Variants in RHOBTB1 observed in about 807,000 individuals in gnomAD.
RHOBTB1 encodes Rho related BTB domain containing 1.
Under a neutral mutation model 71.6 loss-of-function variants are expected in RHOBTB1, and 40 were observed. That is an observed-to-expected ratio of 0.56 (90% confidence interval 0.43 to 0.73). RHOBTB1 has a LOEUF of 0.73. RHOBTB1 is among the 30% of genes least tolerant of loss of function. The pLI is 0.00. For synonymous variants in RHOBTB1, 319 were observed against 334.9 expected, an observed-to-expected ratio of 0.95 and a Z score of 0.52; for missense variants, 797 against 894.0, an observed-to-expected ratio of 0.89 and a Z score of 1.38.
chr10:60,919,667 A>C (rs978430322), intron 2 of RHOBTB1, among the ~76,000 whole-genome samples: 2 of 152,254 alleles, frequency 1.3e-5, no homozygotes, highest in African/African-American at 4.8e-5. Context: ...AGAGTAAGTA[A>C]CAGAAAGGAT....
At chr10:60,967,748 A>G (rs187491976) in intron 2 of RHOBTB1, among the ~76,000 whole-genome samples, 311 of 151,780 alleles carry the variant, frequency 2.0e-3, no homozygotes, top group Non-Finnish European at 2.0e-3. Flanking sequence ...TTCCTTAGAA[A>G]TGATTGCAAC....
At position 60,973,411 on chromosome 10, in the gene RHOBTB1, T is replaced by G. The variant is rs189648043; in HGVS notation, c.-62+12434A>C. Among the ~76,000 whole-genome samples, 267 of 152,266 alleles carry G rather than the reference T, an allele frequency of 1.8e-3. 1 individual carries two copies. The highest frequency in any genetic ancestry group is 5.7e-3 in the African/African-American group (235 of 41,580). The stretch of plus-strand genomic sequence containing the variant: ...TGTCCATCGTCTTCTTTAAAATTTT[T>G]AGCATAAACTGTATTTGAGCCTTCT... On this transcript the variant is annotated intron_variant, in intron 2 of 11. Coordinates refer to the RHOBTB1 transcript ENST00000357917.
At chr10:60,867,754 T>C (rs2080643429), downstream of RHOBTB1, among the ~76,000 whole-genome samples, 2 of 152,198 alleles carry the variant, frequency 1.3e-5, no homozygotes, top group Non-Finnish European at 2.9e-5. Context: ...AAGGGAGAAT[T>C]TTCTAATGCA....
chr10:60,984,774 ATACT>A (rs2086607742), intron 2 of RHOBTB1, among the ~76,000 whole-genome samples: 1 of 152,194 alleles, frequency 6.6e-6, no homozygotes, highest in African/African-American at 2.4e-5. Flanking sequence ...TGCTTTGTAA[ATACT>A]TTATTTATAG....
downstream of RHOBTB1, among the ~76,000 whole-genome samples, chr10:60,865,759 C>G (rs2080633309): frequency 6.6e-6 from 1 of 151,936 alleles, no homozygotes; most frequent in African/African-American, 2.4e-5. Flanking sequence ...TCATTGAGTT[C>G]AGTGTTCCCT....
chr10:60,864,869 T>G (rs1451691499), downstream of RHOBTB1, among the ~76,000 whole-genome samples: 5 of 152,112 alleles, frequency 3.3e-5, no homozygotes, highest in Non-Finnish European at 7.4e-5. Context: ...TTTTGTACTT[T>G]TGCTAGAGAT....
intron 4 of RHOBTB1, among the ~76,000 whole-genome samples, chr10:60,905,857 G>A (rs1373953438): frequency 1.3e-5 from 2 of 151,954 alleles, no homozygotes; most frequent in Non-Finnish European, 2.9e-5. Flanking sequence ...TTTGCTTGCC[G>A]TAAAACACAA....
At chr10:60,994,434 G>GT (rs1299247558) in intron 1 of RHOBTB1, among the ~76,000 whole-genome samples, 2 of 152,130 alleles carry the variant, frequency 1.3e-5, no homozygotes, top group African/African-American at 2.4e-5. Context: ...CCAGAGAAAC[G>GT]TAACAGCTAA....
intron 4 of RHOBTB1, among the ~76,000 whole-genome samples, chr10:60,902,874 G>A (rs752032594): frequency 6.6e-6 from 1 of 152,118 alleles, no homozygotes; most frequent in African/African-American, 2.4e-5. Flanking sequence ...TTGTCAACTC[G>A]TTCAACTAAC....
At chr10:60,969,905 A>T (rs557690260) in intron 2 of RHOBTB1, among the ~76,000 whole-genome samples, 1 of 152,266 alleles carries the variant, frequency 6.6e-6, no homozygotes, top group African/African-American at 2.4e-5. Context: ...CTCCATTCTC[A>T]GGTGGACACC....
chr10:60,986,740 C>T (rs186642531), intron 1 of RHOBTB1, among the ~76,000 whole-genome samples: 100 of 152,222 alleles, frequency 6.6e-4, no homozygotes, highest in African/African-American at 2.3e-3. Context: ...CAAAACAGTA[C>T]TTTTGCTTGG....
intron 5 of RHOBTB1, 66 bp downstream of exon 5, chr10:60,892,744 G>A: frequency 1.4e-6 from 2 of 1,421,292 alleles, no homozygotes; most frequent in Non-Finnish European, 9.6e-7. Context: ...CCAGGCTACA[G>A]AGACACCTGC....
intron 1 of RHOBTB1, among the ~76,000 whole-genome samples, chr10:60,995,010 T>C (rs976883417): frequency 5.9e-5 from 9 of 151,966 alleles, no homozygotes; most frequent in African/African-American, 2.2e-4. Context: ...GGAGTAACAT[T>C]GTACTCCATG....
At chr10:60,862,480 G>T in the RHOBTB1 span, among the ~76,000 whole-genome samples, 1 of 140,938 alleles carries the variant, frequency 7.1e-6, no homozygotes, top group Non-Finnish European at 1.5e-5. Context: ...TAACAGGTGT[G>T]AGCCACCATG....
chr10:60,908,066 T>G (rs2082768556), intron 4 of RHOBTB1, among the ~76,000 whole-genome samples: 1 of 152,206 alleles, frequency 6.6e-6, no homozygotes. Flanking sequence ...ATGGGTAGAA[T>G]AGTTCCATTT....
At chr10:60,868,505 G>A (rs1009172515), downstream of RHOBTB1, among the ~76,000 whole-genome samples, 14 of 152,072 alleles carry the variant, frequency 9.2e-5, no homozygotes, top group East Asian at 9.6e-4. Flanking sequence ...TCATAGTGAC[G>A]AAAAACTGAA....
chr10:60,925,959 G>A (rs576033705), intron 2 of RHOBTB1, among the ~76,000 whole-genome samples: 1 of 152,190 alleles, frequency 6.6e-6, no homozygotes, highest in South Asian at 2.1e-4. Flanking sequence ...AGTTGGGCGT[G>A]GTGTCTCACA....
Position 60,869,748 on chromosome 10 carries a change from CTTCCATCGATAAGA to C in RHOBTB1, c.*1720_*1733del, listed in dbSNP as rs2080693594. The C allele has an allele frequency of 6.6e-6, 1 of 152,646 alleles. No individual in the cohort carries two copies. The highest frequency in any genetic ancestry group is 2.1e-4 in the South Asian group (1 of 4,820). The allele number at this position is 152,646 out of a possible 1,614,324, so 9.5% of individuals were successfully genotyped here. A position where few individuals can be genotyped will look rare whatever the true frequency, so the allele number is the denominator to read the frequency against. ...TCTTCCACATCTTGTCTCCTTTCTC[CTTCCATCGATAAGA>C]TTTACAAGCCTATTGAAAATAATTA... is the stretch of plus-strand genomic sequence containing the variant. On this transcript the variant is annotated 3_prime_UTR_variant, in exon 11 of 11. Transcript: ENST00000337910.
At chr10:60,867,723 A>C (rs1469856007), downstream of RHOBTB1, among the ~76,000 whole-genome samples, 4 of 152,238 alleles carry the variant, frequency 2.6e-5, no homozygotes, top group Admixed American at 2.6e-4. Context: ...AAAATATCCA[A>C]TTTAGAAGCA....
Sources: gnomAD v4.1 joint callset for allele counts (sites outside exome capture counted in the v4.1 genomes callset) on GRCh38, gnomAD v4.1.1 for gene constraint, MANE v1.5 for transcripts, NCBI Gene and HGNC (gene_info 2026-07-23, HGNC 2026-07-21) for gene names.